NCOR1: variants seen among roughly 807,000 people sequenced by gnomAD.
NCOR1 encodes nuclear receptor corepressor 1, also known as protein phosphatase 1, regulatory subunit 109.
A neutral mutation model predicts 288.1 loss-of-function variants in NCOR1; 63 were observed. The observed-to-expected ratio is 0.22, with a 90% CI of 0.18 to 0.27. The LOEUF is 0.27. Among genes scored for constraint, NCOR1 ranks in the 10% least tolerant of loss-of-function variants. The pLI is 1.00. For missense variants in NCOR1, 2,397 were observed against 3,019.2 expected (o/e 0.79, Z 4.83); for synonymous variants, 1,007 against 1,065.9 (o/e 0.94, Z 1.08).
Position 16,092,062 on chromosome 17 carries a change from T to C in NCOR1, c.2821-4A>G, listed in dbSNP as rs766199248. On this transcript the variant is annotated splice_polypyrimidine_tract_variant and splice_region_variant and intron_variant, in intron 21 of 45. Transcript: ENST00000268712. ...TGTTACATGGGGTGCAGGATACCTATAGGAAGAAAATAAATCGAAATATGC... is the reference window on the plus strand; with the variant it reads ...TGTTACATGGGGTGCAGGATACCTACAGGAAGAAAATAAATCGAAATATGC... 13 of 1,613,078 alleles carry C rather than the reference T, an allele frequency of 8.1e-6. No individual in the cohort carries two copies. Among genetic ancestry groups the C allele is most frequent in the Admixed American group, 5.0e-5 (3 of 59,998 alleles).
chr17:16,152,086 GTAAAGT>G, intron 7 of NCOR1, 88 bp from the exon 8 acceptor site: 1 of 749,216 alleles, frequency 1.3e-6, no homozygotes, highest in Non-Finnish European at 2.1e-6. Context: ...GTAAGCACAG[GTAAAGT>G]ACTAATGGAT....
intron 4 of NCOR1, among the ~76,000 whole-genome samples, chr17:16,167,859 C>CAAAAAAAAA: frequency 1.6e-5 from 1 of 62,648 alleles, no homozygotes; most frequent in Non-Finnish European, 2.9e-5. Flanking sequence ...GACTCCATCT[C>CAAAAAAAAA]AAAAAAAAAA....
At chr17:16,190,029 A>G (rs1398963444) in intron 2 of NCOR1, among the ~76,000 whole-genome samples, 2 of 152,324 alleles carry the variant, frequency 1.3e-5, no homozygotes, top group South Asian at 2.1e-4. Context: ...CAGGGTTTTG[A>G]TATCAGCCTG....
intron 5 of NCOR1, 89 bp downstream of exon 5, chr17:16,164,890 G>A (rs1399237445): frequency 3.2e-6 from 3 of 941,924 alleles, no homozygotes; most frequent in Non-Finnish European, 4.6e-6. Context: ...TTCCTTTTAT[G>A]TAAAGTTTCA....
Position 16,064,214 on chromosome 17 carries a change from A to G in NCOR1, c.5102-27T>C, listed in dbSNP as rs769731462. ...TGTAAAACATAAACCTGCAGCTTAA[A>G]GATAAAAATATCAACTGACTGAGTA... On this transcript the variant is annotated intron_variant, in intron 34 of 45. Transcript: ENST00000268712. The G allele has an allele frequency of 4.4e-6, 7 of 1,599,178 alleles. No individual in the cohort carries two copies. The Admixed American group carries it at 1.0e-4, about 24-fold the overall frequency.
chr17:16,065,001 T>A lies in NCOR1; in HGVS notation c.4970A>T (p.Asn1657Ile). 6.2e-7 allele frequency: 1 copy of A among 1,613,960 alleles called. No individual in the cohort carries two copies. ...PATRGIIDLT[N>I]MPPTILVPHP... ...AGGCACTAAAATTGTTGGAGGCATA[T>A]TGGTCAGGTCAATGATTCCTATCCA... Residue 1657 changes from asparagine (N) to isoleucine (I), a missense_variant, in exon 34 of 46, where the codon AAT (asparagine) becomes ATT (isoleucine). This residue lies in a region of NCOR1 where 1,872 missense variants were observed against 2,187.8 expected (regional missense o/e 0.86). Transcript: ENST00000268712.
intron 5 of NCOR1, among the ~76,000 whole-genome samples, chr17:16,159,771 G>A (rs1293198799): frequency 2.6e-5 from 4 of 151,778 alleles, no homozygotes; most frequent in Non-Finnish European, 5.9e-5. Flanking sequence ...ACCGTGCCTG[G>A]GTTTGAGCCT....
At position 16,171,946 on chromosome 17, in the gene NCOR1, G is replaced by A. The variant is rs760514985; in HGVS notation, c.292C>T (p.Pro98Ser). The A allele has an allele frequency of 1.2e-6, 2 of 1,609,660 alleles. No individual in the cohort carries two copies. Among genetic ancestry groups the A allele is most frequent in the South Asian group, 1.1e-5 (1 of 90,414 alleles). The change falls in exon 4 of 46, where the codon CCA becomes TCA. Residue 98 changes from proline (P) to serine (S), a missense_variant. By Grantham distance (74) the Pro-to-Ser change is moderately conservative. Around this residue, in one of 11 missense-constraint regions of NCOR1, gnomAD observed 110 missense variants for 123.2 expected, o/e 0.89. Coordinates refer to ENST00000268712, the MANE Select transcript of NCOR1 (RefSeq NM_006311.4). ...GATTCCAGTGAATCATGATCCACTG[G>A]GGATGGGCCTGGATGAAACGGTTCA... Reference protein sequence around the residue: ...SYEPFHPGPSPVDHDSLESKR... With the variant: ...SYEPFHPGPSSVDHDSLESKR...
At chr17:16,127,253 A>ATACATGTATGCATATATGTATGTATATG (rs2074331573) in intron 14 of NCOR1, among the ~76,000 whole-genome samples, 1 of 122,308 alleles carries the variant, frequency 8.2e-6, no homozygotes, top group African/African-American at 3.5e-5. Context: ...GTATGTATAT[A>ATACATGTATGCATATATGTATGTATATG]TGTGTGTGTA....
chr17:16,100,661 A>C (rs189333682), intron 20 of NCOR1, among the ~76,000 whole-genome samples: 1 of 152,334 alleles, frequency 6.6e-6, no homozygotes, highest in East Asian at 1.9e-4. Context: ...AAAACTTGTA[A>C]ATTAATCTGC....
chr17:16,108,883 A>G lies in NCOR1; in HGVS notation c.2085T>C (p.Asp695=). The change falls in exon 19 of 46, where the codon GAT becomes GAC. Residue 695 remains aspartate, a synonymous_variant. Transcript: ENST00000268712. ...KTSRKPREER[D]VSQCESVAST... is the part of the protein sequence containing the mutation. ...AAGCGACACTTTCACATTGAGACAC[A>G]TCTCGCTCTTCACGAGGTTTTCGTG... The G allele has an allele frequency of 6.2e-7, 1 of 1,602,758 alleles. No homozygotes were observed. The highest frequency in any genetic ancestry group is 1.3e-5 in the African/African-American group (1 of 74,644).
At chr17:16,107,163 G>A (rs1042877977) in intron 19 of NCOR1, among the ~76,000 whole-genome samples, 1 of 151,820 alleles carries the variant, frequency 6.6e-6, no homozygotes, top group Non-Finnish European at 1.5e-5. Context: ...CCCAAGTGTT[G>A]GGGTTACAGG....
intron 14 of NCOR1, among the ~76,000 whole-genome samples, chr17:16,135,158 C>CAAAAAAAAAAAAA (rs577308243): frequency 2.8e-5 from 1 of 35,890 alleles, no homozygotes. Flanking sequence ...GACTCCATCT[C>CAAAAAAAAAAAAA]AAAAAAAAAA....
intron 11 of NCOR1, among the ~76,000 whole-genome samples, chr17:16,142,372 T>C (rs1303951363): frequency 6.6e-6 from 1 of 152,146 alleles, no homozygotes; most frequent in East Asian, 1.9e-4. Flanking sequence ...AAAAATATCT[T>C]TGATCATTAC....
chr17:16,035,116 G>C (rs952201779), intron 44 of NCOR1, among the ~76,000 whole-genome samples, 172 bp from the exon 45 acceptor site: 3 of 152,176 alleles, frequency 2.0e-5, no homozygotes, highest in African/African-American at 7.2e-5. Context: ...AGATACTGAG[G>C]GTTTAGTAAG....
intron 1 of NCOR1, among the ~76,000 whole-genome samples, chr17:16,196,217 G>A (rs1353020421): frequency 6.6e-6 from 1 of 150,962 alleles, no homozygotes; most frequent in Non-Finnish European, 1.5e-5. Flanking sequence ...TTTTAATTTT[G>A]TTTCCATCAT....
At chr17:16,167,172 AATTAATATTACAAATGAAT>A (rs1334953170) in intron 4 of NCOR1, among the ~76,000 whole-genome samples, 2 of 152,218 alleles carry the variant, frequency 1.3e-5, no homozygotes, top group Non-Finnish European at 2.9e-5. Context: ...ATGCCCAAAG[AATTAATATTACAAATGAAT>A]ATTTTCCACT....
chr17:16,057,289 G>A (rs2060045458), intron 40 of NCOR1: 1 of 537,194 alleles, frequency 1.9e-6, no homozygotes, highest in East Asian at 3.2e-5. Context: ...CCAACAAATA[G>A]AATATAATCA....
At chr17:16,062,459 CA>C (rs1468563852) in intron 35 of NCOR1, among the ~76,000 whole-genome samples, 189 bp from the exon 36 acceptor site, 2 of 152,160 alleles carry the variant, frequency 1.3e-5, no homozygotes, top group African/African-American at 4.8e-5. Flanking sequence ...AATAAAGATG[CA>C]ATAAAACCGC....
Sources: gnomAD v4.1 joint callset for allele counts (sites outside exome capture counted in the v4.1 genomes callset) on GRCh38, gnomAD v4.1.1 for gene constraint, gnomAD v4.1.1 regional missense constraint, MANE v1.5 for transcripts, NCBI Gene and HGNC (gene_info 2026-07-23, HGNC 2026-07-21) for gene names.